Variants in ILRUN observed in about 807,000 individuals in gnomAD.
ILRUN encodes protein ILRUN.
A neutral mutation model predicts 33.8 loss-of-function variants in ILRUN; 3 were observed. The ratio of observed to expected loss-of-function variants is 0.09; its 90% CI spans 0.04 to 0.23. The LOEUF (loss-of-function observed/expected upper bound fraction) is 0.23. Among genes scored for constraint, ILRUN ranks in the 10% least tolerant of loss-of-function variants. The probability of loss-of-function intolerance (pLI) is 1.00; values close to 1 mark genes in which losing one functional copy is unlikely to be tolerated. For synonymous variants in ILRUN, 124 were observed against 138.9 expected (o/e 0.89, Z 0.75); for missense variants, 210 against 375.1 (o/e 0.56, Z 3.64).
intron 4 of ILRUN, among the ~76,000 whole-genome samples, chr6:34,591,328 A>G (rs1363089680): frequency 6.6e-6 from 1 of 152,040 alleles, no homozygotes; most frequent in East Asian, 1.9e-4. Flanking sequence ...CCACCCCTAT[A>G]AAAATTTTTT....
intron 3 of ILRUN, among the ~76,000 whole-genome samples, chr6:34,634,468 G>A (rs1335401929): frequency 6.6e-6 from 1 of 151,976 alleles, no homozygotes; most frequent in Non-Finnish European, 1.5e-5. Flanking sequence ...ATAAAATTAA[G>A]AGCAGAAATC....
intron 4 of ILRUN, among the ~76,000 whole-genome samples, chr6:34,599,311 A>G (rs565138209): frequency 6.6e-6 from 1 of 152,260 alleles, no homozygotes; most frequent in Non-Finnish European, 1.5e-5. Flanking sequence ...TACTGTGGAT[A>G]GTATGAAATG....
rs1485428150 is a variant in ILRUN at position 34,676,480 on chromosome 6, ATAGG to A, written c.158+19962_158+19965del. Among the ~76,000 whole-genome samples, 145 of 150,434 alleles carry A rather than the reference ATAGG, an allele frequency of 9.6e-4. 2 individuals are homozygous for A. The highest frequency in any genetic ancestry group is 3.4e-3 in the African/African-American group (139 of 40,530). On this transcript the variant is annotated intron_variant, in intron 1 of 4. Coordinates refer to ENST00000374023, the MANE Select transcript of ILRUN (RefSeq NM_024294.4). ...TATAGCTAGCTAGCTAGCTAGCTAG[ATAGG>A]TAGATATGCAAAGATAGAGAGAGAG...
intron 4 of ILRUN, among the ~76,000 whole-genome samples, chr6:34,599,114 T>C (rs370865575): frequency 1.3e-5 from 2 of 152,228 alleles, no homozygotes; most frequent in Admixed American, 6.5e-5. Context: ...AACCTCACTG[T>C]AGTGTGGTCT....
At chr6:34,624,319 T>C (rs1048113234) in intron 3 of ILRUN, among the ~76,000 whole-genome samples, 4 of 151,820 alleles carry the variant, frequency 2.6e-5, no homozygotes, top group Non-Finnish European at 4.4e-5. Flanking sequence ...ACCTAATTTA[T>C]TTTTTTATTT....
intron 1 of ILRUN, among the ~76,000 whole-genome samples, chr6:34,693,691 G>A (rs965855612): frequency 4.7e-5 from 7 of 148,944 alleles, no homozygotes; most frequent in South Asian, 2.1e-4. Context: ...TTTTGAGACG[G>A]AGTCTCGGTC....
intron 3 of ILRUN, among the ~76,000 whole-genome samples, chr6:34,622,900 C>T (rs938068596): frequency 6.6e-5 from 10 of 152,000 alleles, no homozygotes; most frequent in African/African-American, 2.4e-4. Flanking sequence ...ATATATACAC[C>T]AAAATATTAT....
intron 4 of ILRUN, among the ~76,000 whole-genome samples, chr6:34,601,710 C>CA (rs556146116): frequency 1.3e-5 from 2 of 148,280 alleles, no homozygotes; most frequent in African/African-American, 4.9e-5. Flanking sequence ...TACCCGCCCC[C>CA]CCAACTACTG....
intron 1 of ILRUN, among the ~76,000 whole-genome samples, chr6:34,691,837 AC>A (rs1365692433): frequency 6.6e-6 from 1 of 152,142 alleles, no homozygotes; most frequent in Admixed American, 6.5e-5. Context: ...TCAACCTAAG[AC>A]CAAACAAAAT....
intron 3 of ILRUN, among the ~76,000 whole-genome samples, chr6:34,641,647 G>T (rs1031405634): frequency 1.3e-5 from 2 of 152,072 alleles, no homozygotes; most frequent in African/African-American, 4.8e-5. Flanking sequence ...TAACAAAAAT[G>T]CTTGAAAACT....
chr6:34,591,460 A>AC (rs772329210), intron 4 of ILRUN, among the ~76,000 whole-genome samples: 1 of 151,760 alleles, frequency 6.6e-6, no homozygotes, highest in Non-Finnish European at 1.5e-5. Context: ...ACGCCACTGC[A>AC]CCACTCCAGG....
intron 4 of ILRUN, among the ~76,000 whole-genome samples, chr6:34,594,499 C>A (rs1173207403): frequency 1.3e-5 from 2 of 152,220 alleles, no homozygotes; most frequent in African/African-American, 4.8e-5. Flanking sequence ...ACCACTTACA[C>A]AGAAATGGGT....
intron 2 of ILRUN, among the ~76,000 whole-genome samples, chr6:34,648,072 G>C (rs547382109): frequency 6.6e-6 from 1 of 152,352 alleles, no homozygotes; most frequent in African/African-American, 2.4e-5. Context: ...GTTCCCACTA[G>C]TCAAGCGGTA....
At chr6:34,680,699 T>A (rs1763340795) in intron 1 of ILRUN, among the ~76,000 whole-genome samples, 1 of 152,196 alleles carries the variant, frequency 6.6e-6, no homozygotes, top group Non-Finnish European at 1.5e-5. Flanking sequence ...GTGATCTGCC[T>A]GCCTCGGCCT....
chr6:34,617,892 G>A (rs912928716), intron 3 of ILRUN, among the ~76,000 whole-genome samples: 2 of 152,156 alleles, frequency 1.3e-5, no homozygotes, highest in East Asian at 3.8e-4. Context: ...ACAAGTTCAC[G>A]CAGGAAAGAA....
Position 34,592,231 on chromosome 6 carries a change from T to C in ILRUN, c.862-1631A>G, listed in dbSNP as rs1413084244. Among the ~76,000 whole-genome samples, 1 of 152,250 alleles carries C rather than the reference T, an allele frequency of 6.6e-6. No individual in the cohort carries two copies. Among genetic ancestry groups the C allele is most frequent in the Non-Finnish European group, 1.5e-5 (1 of 68,042 alleles). ...AATGGGGCATCCACTACGTGCCAGG[T>C]GCTGCAGTAGCACCTAACATGTTCT... On this transcript the variant is annotated intron_variant, in intron 4 of 4. Transcript: ENST00000374023. The surrounding 1 kb of genome is among the most constrained non-coding windows in gnomAD (Gnocchi z 4.0).
intron 3 of ILRUN, among the ~76,000 whole-genome samples, chr6:34,640,947 C>T (rs1762462751): frequency 6.6e-6 from 1 of 151,528 alleles, no homozygotes; most frequent in Non-Finnish European, 1.5e-5. Context: ...GGCATGGTGG[C>T]ACATGCCTGT....
At chr6:34,590,840 A>G (rs1263924048) in intron 4 of ILRUN, among the ~76,000 whole-genome samples, 2 of 152,188 alleles carry the variant, frequency 1.3e-5, no homozygotes, top group Non-Finnish European at 1.5e-5. Context: ...GAGGGTAGAG[A>G]TAACTCCCCC....
At chr6:34,649,606 A>C (rs1762622797) in intron 2 of ILRUN, among the ~76,000 whole-genome samples, 1 of 152,242 alleles carries the variant, frequency 6.6e-6, no homozygotes. Context: ...GCATCACAAA[A>C]ATCAAAAGTC....
Sources: allele counts gnomAD v4.1 joint callset (sites outside exome capture counted in the v4.1 genomes callset), GRCh38; gene constraint gnomAD v4.1.1; non-coding constraint Gnocchi (gnomAD v3.1); transcripts MANE v1.5; gene names NCBI Gene and HGNC (gene_info 2026-07-23, HGNC 2026-07-21).